The following OSBPL10 variants were observed in gnomAD, a reference collection of about 807,000 sequenced individuals.
OSBPL10 encodes oxysterol binding protein like 10, also known as oxysterol-binding protein-related protein 10.
In OSBPL10, 49 loss-of-function variants were observed where a neutral mutation model predicts 81.7. That is an observed-to-expected ratio of 0.60 (90% CI 0.48 to 0.76). OSBPL10 has a LOEUF of 0.76. OSBPL10 is among the 30% of genes least tolerant of loss of function. OSBPL10 has a pLI of 0.00. For synonymous variants in OSBPL10, 419 were observed against 383.6 expected (o/e 1.09, Z -1.08); for missense variants, 923 against 987.8 (o/e 0.93, Z 0.88).
At chr3:31,684,859 C>T (rs1309425190) in intron 7 of OSBPL10, among the ~76,000 whole-genome samples, 1 of 152,190 alleles carries the variant, frequency 6.6e-6, no homozygotes, top group Non-Finnish European at 1.5e-5. Context: ...ACATACAGAA[C>T]CTGCTGCTAA....
chr3:31,949,667 C>CAAAAAAAAAAAAAAAA (rs56002214), intron 1 of OSBPL10, among the ~76,000 whole-genome samples: 2 of 26,258 alleles, frequency 7.6e-5, no homozygotes, highest in African/African-American at 3.3e-4. Context: ...GACTCTGTCT[C>CAAAAAAAAAAAAAAAA]AAAAAAAAAA....
intron 1 of OSBPL10, among the ~76,000 whole-genome samples, chr3:32,054,074 A>T (rs551497947): frequency 2.6e-5 from 4 of 152,358 alleles, no homozygotes; most frequent in African/African-American, 9.6e-5. Flanking sequence ...TTGGAAAGCT[A>T]AATCTTCCCT....
chr3:31,788,802 A>C (rs1245576451), intron 4 of OSBPL10, among the ~76,000 whole-genome samples: 1 of 152,122 alleles, frequency 6.6e-6, no homozygotes, highest in African/African-American at 2.4e-5. Context: ...AATAAAAATA[A>C]ATTGGCTTTA....
intron 1 of OSBPL10, among the ~76,000 whole-genome samples, chr3:31,939,143 C>CTTTT (rs1559525545): frequency 2.0e-5 from 1 of 49,700 alleles, no homozygotes; most frequent in African/African-American, 6.8e-5. Flanking sequence ...ACTCTCTCAT[C>CTTTT]CTTTTTTTTT....
chr3:31,711,844 T>G (rs62237308), intron 6 of OSBPL10, among the ~76,000 whole-genome samples: 16,316 of 152,194 alleles, frequency 0.11, 907 homozygotes, highest in South Asian at 0.12. Context: ...ATGGATAAAT[T>G]GTATGGCATG....
intron 6 of OSBPL10, among the ~76,000 whole-genome samples, chr3:31,705,917 G>C (rs748587283): frequency 3.3e-5 from 5 of 152,104 alleles, no homozygotes; most frequent in African/African-American, 4.8e-5. Flanking sequence ...GACTTAAGCA[G>C]AAGAATCTTC....
intron 1 of OSBPL10, among the ~76,000 whole-genome samples, chr3:31,889,731 G>C (rs933238233): frequency 6.6e-6 from 1 of 152,092 alleles, no homozygotes; most frequent in Non-Finnish European, 1.5e-5. Flanking sequence ...AGGATTTCTA[G>C]CATTCTATAG....
intron 3 of OSBPL10, among the ~76,000 whole-genome samples, chr3:31,866,640 A>G (rs910302515): frequency 3.3e-5 from 5 of 152,128 alleles, no homozygotes; most frequent in Non-Finnish European, 5.9e-5. Flanking sequence ...GAGTTAGGGT[A>G]TATCACTGGT....
intron 2 of OSBPL10, among the ~76,000 whole-genome samples, chr3:31,878,665 A>C (rs1386342640): frequency 6.6e-6 from 1 of 152,216 alleles, no homozygotes; most frequent in Non-Finnish European, 1.5e-5. Context: ...ATGGTCACGA[A>C]CAGATAGCAA....
At chr3:31,847,193 CCTT>C (rs1700654090) in intron 3 of OSBPL10, among the ~76,000 whole-genome samples, 3 of 148,436 alleles carry the variant, frequency 2.0e-5, no homozygotes, top group Non-Finnish European at 4.4e-5. Context: ...TCTCCCCATT[CCTT>C]TTTTTTTTTT....
intron 4 of OSBPL10, among the ~76,000 whole-genome samples, chr3:31,774,606 A>C (rs1317833124): frequency 6.6e-6 from 1 of 151,868 alleles, no homozygotes; most frequent in Non-Finnish European, 1.5e-5. Flanking sequence ...TCTGCCTCCC[A>C]GGTTCAAGCG....
At chr3:31,901,512 T>C (rs1208736840) in intron 1 of OSBPL10, among the ~76,000 whole-genome samples, 1 of 152,186 alleles carries the variant, frequency 6.6e-6, no homozygotes, top group Non-Finnish European at 1.5e-5. Context: ...TGCTTTCAGA[T>C]CCCAGCTGAA....
At chr3:31,743,335 G>A (rs975436355) in intron 5 of OSBPL10, among the ~76,000 whole-genome samples, 3 of 152,020 alleles carry the variant, frequency 2.0e-5, no homozygotes, top group Non-Finnish European at 4.4e-5. Flanking sequence ...CACCATACCC[G>A]GCCAAATTAC....
intron 1 of OSBPL10, among the ~76,000 whole-genome samples, chr3:31,954,225 T>G (rs1456966949): frequency 1.3e-5 from 2 of 152,206 alleles, no homozygotes; most frequent in Non-Finnish European, 2.9e-5. Context: ...GAAAGATGGC[T>G]GCCTGGCCAA....
intron 3 of OSBPL10, among the ~76,000 whole-genome samples, chr3:31,860,036 T>C (rs938752769): frequency 5.9e-5 from 9 of 152,156 alleles, no homozygotes; most frequent in African/African-American, 2.2e-4. Flanking sequence ...GTGGTGGACA[T>C]TGCTCACATA....
intron 4 of OSBPL10, among the ~76,000 whole-genome samples, chr3:31,782,584 T>A (rs764731154): frequency 3.9e-5 from 6 of 152,018 alleles, no homozygotes; most frequent in Admixed American, 6.6e-5. Flanking sequence ...GGAACTCAAA[T>A]GAATCAGCAA....
intron 6 of OSBPL10, among the ~76,000 whole-genome samples, chr3:31,724,594 G>T (rs1366042283): frequency 1.4e-5 from 2 of 147,974 alleles, no homozygotes; most frequent in East Asian, 4.0e-4. Flanking sequence ...CCACAAAAAA[G>T]GAAGAGAGGA....
intron 5 of OSBPL10, among the ~76,000 whole-genome samples, chr3:31,741,910 G>A (rs576492601): frequency 1.4e-3 from 210 of 152,270 alleles, no homozygotes; most frequent in Non-Finnish European, 2.3e-3. Flanking sequence ...TTCGCCTGCT[G>A]CCATCCACAT....
At chr3:31,688,246 C>T (rs945615913) in intron 7 of OSBPL10, among the ~76,000 whole-genome samples, 5 of 149,510 alleles carry the variant, frequency 3.3e-5, no homozygotes, top group Non-Finnish European at 7.4e-5. Context: ...GACTGACTGC[C>T]CCCATCCCTC....
Sources: gnomAD v4.1 joint callset for allele counts (sites outside exome capture counted in the v4.1 genomes callset) on GRCh38, gnomAD v4.1.1 for gene constraint, MANE v1.5 for transcripts, NCBI Gene and HGNC (gene_info 2026-07-23, HGNC 2026-07-21) for gene names.